PCDHGA3: variants seen among roughly 807,000 people sequenced by gnomAD.
PCDHGA3 encodes protocadherin gamma-A3.
Under a neutral mutation model 58.5 loss-of-function variants are expected in PCDHGA3, and 40 were observed. The ratio of observed to expected loss-of-function variants is 0.68; its 90% confidence interval spans 0.53 to 0.89. PCDHGA3 has a LOEUF of 0.89. Ranked by LOEUF, PCDHGA3 falls within the 40% of genes least tolerant of loss-of-function variation. The pLI is 0.00. For missense variants in PCDHGA3, 1,223 were observed against 1,195.9 expected (o/e 1.02, Z -0.33); for synonymous variants, 530 against 525.7 (o/e 1.01, Z -0.11).
intron 1 of PCDHGA3, among the ~76,000 whole-genome samples, chr5:141,460,251 A>G (rs2098984972): frequency 6.6e-6 from 1 of 152,114 alleles, no homozygotes; most frequent in Admixed American, 6.6e-5. Context: ...TAATTTTGAT[A>G]AAGCCCAATT....
chr5:141,364,445 C>T, intron 1 of PCDHGA3: 1 of 1,613,920 alleles, frequency 6.2e-7, no homozygotes. Context: ...GCCGGAGGAG[C>T]TGGACAAAGG....
chr5:141,487,351 T>A lies in PCDHGA3; in HGVS notation c.2425-7456T>A. 6.2e-7 allele frequency: 1 copy of A among 1,614,210 alleles called. No individual in the cohort carries two copies. The highest frequency in any genetic ancestry group is 8.5e-7 in the Non-Finnish European group (1 of 1,180,038). On this transcript the variant is annotated intron_variant, in intron 1 of 3. Transcript: ENST00000253812. The surrounding 1 kb of genome is among the most constrained non-coding windows in gnomAD (Gnocchi z 5.0). ...GGGCAGCCTGTGGAGTCACATGCTT[T>A]CCTGCTGGCACCTGTGCCTGTCTCA...
intron 1 of PCDHGA3, chr5:141,492,007 C>T (rs1261430567): frequency 3.0e-5 from 19 of 628,956 alleles, no homozygotes; most frequent in Non-Finnish European, 4.6e-5. Flanking sequence ...GCGATTTCCG[C>T]GGGTGTCGGG....
At chr5:141,465,457 C>G (rs956070103) in intron 1 of PCDHGA3, among the ~76,000 whole-genome samples, 1 of 152,214 alleles carries the variant, frequency 6.6e-6, no homozygotes, top group Non-Finnish European at 1.5e-5. Context: ...AAAACTCTCA[C>G]CAAATTGCCC....
At chr5:141,355,003 C>A in intron 1 of PCDHGA3, 1 of 767,012 alleles carries the variant, frequency 1.3e-6, no homozygotes, top group Non-Finnish European at 1.9e-6. Flanking sequence ...GGGGAAAAGA[C>A]AAACCAGAAA....
chr5:141,384,658 C>T lies in PCDHGA3; in HGVS notation c.2424+38201C>T, dbSNP rs755303317. 9.3e-6 allele frequency: 15 copies of T among 1,614,104 alleles called. No homozygotes were observed. The African/African-American group carries it at 1.7e-4, about 19-fold the overall frequency. Reference sequence around the variant, plus strand: ...ACCCCGCTCCGCAGAGCCCGGCTACCTGGTGACCAAGGTGGTGGCGGTGGA... The same window carrying T: ...ACCCCGCTCCGCAGAGCCCGGCTACTTGGTGACCAAGGTGGTGGCGGTGGA... On this transcript the variant is annotated intron_variant, in intron 1 of 3. Coordinates refer to ENST00000253812, the MANE Select transcript of PCDHGA3 (RefSeq NM_018916.4).
chr5:141,478,100 C>T, intron 1 of PCDHGA3: 1 of 1,614,124 alleles, frequency 6.2e-7, no homozygotes, highest in Non-Finnish European at 8.5e-7. Context: ...CACTGCTACC[C>T]TCACTGTGTC....
intron 1 of PCDHGA3, chr5:141,405,038 G>C: frequency 6.2e-7 from 1 of 1,613,964 alleles, no homozygotes; most frequent in Non-Finnish European, 8.5e-7. Context: ...CCTCGTTGTG[G>C]CTGTGGCAGT....
intron 1 of PCDHGA3, among the ~76,000 whole-genome samples, chr5:141,460,369 T>C (rs1048970945): frequency 2.1e-4 from 32 of 152,322 alleles, no homozygotes; most frequent in African/African-American, 7.7e-4. Flanking sequence ...AGTTTTATAG[T>C]TTTACCATTT....
At chr5:141,471,506 G>A (rs2099258630) in intron 1 of PCDHGA3, 1 of 152,214 alleles carries the variant, frequency 6.6e-6, no homozygotes, top group South Asian at 2.1e-4. Flanking sequence ...GCAAGAGAGG[G>A]AGTAAAAATA....
chr5:141,392,931 G>T, intron 1 of PCDHGA3: 1 of 1,613,920 alleles, frequency 6.2e-7, no homozygotes, highest in Non-Finnish European at 8.5e-7. Context: ...AGAAGAGACG[G>T]ACAAAGGCTC....
At chr5:141,365,414 C>G (rs568315403) in intron 1 of PCDHGA3, 2 of 1,613,988 alleles carry the variant, frequency 1.2e-6, no homozygotes, top group East Asian at 2.2e-5. Flanking sequence ...AGACTGTCTT[C>G]CCGGAACTGT....
chr5:141,373,621 A>G (rs908270659), intron 1 of PCDHGA3, among the ~76,000 whole-genome samples: 1 of 152,256 alleles, frequency 6.6e-6, no homozygotes, highest in Admixed American at 6.5e-5. Flanking sequence ...AGAAGATTGT[A>G]ATATTATTTC....
chr5:141,420,415 TAAAAC>T, intron 1 of PCDHGA3: 1 of 1,217,298 alleles, frequency 8.2e-7, no homozygotes, highest in Non-Finnish European at 1.1e-6. Flanking sequence ...TTATCATTAT[TAAAAC>T]AAAAGTTTAA....
intron 1 of PCDHGA3, chr5:141,404,213 A>G: frequency 6.2e-7 from 1 of 1,613,516 alleles, no homozygotes; most frequent in Non-Finnish European, 8.5e-7. Context: ...ATATAATATC[A>G]CGGTGACTGC....
At chr5:141,369,769 T>C (rs1398107902) in intron 1 of PCDHGA3, among the ~76,000 whole-genome samples, 2 of 152,248 alleles carry the variant, frequency 1.3e-5, no homozygotes, top group African/African-American at 2.4e-5. Context: ...GTGAAGCTGA[T>C]ATTTCAAGCC....
chr5:141,375,128 G>C (rs372521976), intron 1 of PCDHGA3: 1 of 1,613,780 alleles, frequency 6.2e-7, no homozygotes, highest in Non-Finnish European at 8.5e-7. Flanking sequence ...AGAAGTGGTT[G>C]TTACATCTGG....
intron 1 of PCDHGA3, chr5:141,419,707 C>T (rs781629810): frequency 4.6e-5 from 74 of 1,613,062 alleles, no homozygotes; most frequent in Middle Eastern, 1.7e-4. Flanking sequence ...AGCCCGGGCT[C>T]TTCAGCCTGG....
chr5:141,413,909 T>C, intron 1 of PCDHGA3: 2 of 1,613,316 alleles, frequency 1.2e-6, no homozygotes, highest in Non-Finnish European at 1.7e-6. Context: ...AACGCGCCGG[T>C]CTTCACCTTG....
Sources: allele counts gnomAD v4.1 joint callset (sites outside exome capture counted in the v4.1 genomes callset), GRCh38; gene constraint gnomAD v4.1.1; non-coding constraint Gnocchi (gnomAD v3.1); transcripts MANE v1.5; gene names NCBI Gene and HGNC (gene_info 2026-07-23, HGNC 2026-07-21).